CNTNAP5: variants seen among roughly 807,000 people sequenced by gnomAD.
CNTNAP5 encodes contactin associated protein family member 5.
A neutral mutation model predicts 150.2 loss-of-function variants in CNTNAP5; 72 were observed. That is an observed-to-expected ratio of 0.48 (90% CI 0.40 to 0.58). The LOEUF (loss-of-function observed/expected upper bound fraction) is 0.58. CNTNAP5 is among the 20% of genes least tolerant of loss of function. The pLI, the probability that CNTNAP5 is intolerant of heterozygous loss-of-function variation, is 0.00. For missense variants in CNTNAP5, 1,636 were observed against 1,626.2 expected (o/e 1.01, Z -0.10); for synonymous variants, 672 against 619.8 (o/e 1.08, Z -1.25).
chr2:124,341,340 C>T (rs1689610219), intron 3 of CNTNAP5, among the ~76,000 whole-genome samples: 1 of 152,040 alleles, frequency 6.6e-6, no homozygotes, highest in South Asian at 2.1e-4. Flanking sequence ...AAGTCTCTTT[C>T]ATTTTCTTTA....
intron 13 of CNTNAP5, among the ~76,000 whole-genome samples, chr2:124,650,002 A>G (rs559919301): frequency 4.4e-4 from 67 of 152,324 alleles, no homozygotes; most frequent in African/African-American, 1.5e-3. Flanking sequence ...AGAAAACTCA[A>G]CGTAGATAAT....
intron 14 of CNTNAP5, among the ~76,000 whole-genome samples, chr2:124,748,713 G>T (rs1041702868): frequency 6.6e-6 from 1 of 152,130 alleles, no homozygotes; most frequent in Admixed American, 6.5e-5. Context: ...AAAGGACCAG[G>T]CATCTGTCTT....
Position 124,798,194 on chromosome 2 carries a change from T to C in CNTNAP5, c.3091T>C (p.Tyr1031His). 2 of 1,613,866 alleles carry C rather than the reference T, an allele frequency of 1.2e-6. No individual in the cohort carries two copies. Among genetic ancestry groups the C allele is most frequent in the Non-Finnish European group, 1.7e-6 (2 of 1,179,796 alleles). Reference sequence around the variant, plus strand: ...TATAAGCCTCTCATCCTCAGCTATTTACACAGATTCAGCTCCATCCAAGGA... The same window carrying C: ...TATAAGCCTCTCATCCTCAGCTATTCACACAGATTCAGCTCCATCCAAGGA... ...KNISLSSSAI[Y>H]TDSAPSKENI... Residue 1031 changes from tyrosine (Y) to histidine (H), a missense_variant, in exon 19 of 24, where the codon TAC becomes CAC. Transcript: ENST00000682447.
intron 20 of CNTNAP5, among the ~76,000 whole-genome samples, chr2:124,866,518 T>C (rs990699300): frequency 1.9e-4 from 29 of 152,114 alleles, no homozygotes; most frequent in African/African-American, 7.0e-4. Flanking sequence ...AGTACTTACT[T>C]CCTGGAAGAA....
At position 124,824,795 on chromosome 2, in the gene CNTNAP5, C is replaced by T. The variant is rs529209770; in HGVS notation, c.3217+26475C>T. Among the ~76,000 whole-genome samples, 19 of 152,282 alleles carry T rather than the reference C, an allele frequency of 1.2e-4. No individual in the cohort carries two copies. In the East Asian group the frequency reaches 3.3e-3, roughly 26 times the overall value. On this transcript the variant is annotated intron_variant, in intron 19 of 23. Coordinates refer to ENST00000682447, the MANE Select transcript of CNTNAP5 (RefSeq NM_001367498.1). ...TGTCCTACCAGTCCTAATCTGTAAA[C>T]TAATTGCAGGACTAATTCCTACAGG...
chr2:124,911,418 C>T, intron 22 of CNTNAP5, 49 bp from the exon 23 acceptor site: 1 of 1,403,016 alleles, frequency 7.1e-7, no homozygotes, highest in African/African-American at 1.4e-5. Flanking sequence ...AGGCTTCTTG[C>T]CAGTGCTTTG....
intron 1 of CNTNAP5, among the ~76,000 whole-genome samples, chr2:124,158,475 A>G (rs1259469366): frequency 1.3e-5 from 2 of 152,156 alleles, no homozygotes; most frequent in African/African-American, 4.8e-5. Context: ...GCTTAAATTC[A>G]ACGTAATACT....
At chr2:124,245,448 T>C (rs943732437) in intron 3 of CNTNAP5, among the ~76,000 whole-genome samples, 6 of 152,088 alleles carry the variant, frequency 3.9e-5, no homozygotes, top group African/African-American at 1.4e-4. Flanking sequence ...ACAAGAACAA[T>C]AGTCAAACAA....
intron 1 of CNTNAP5, among the ~76,000 whole-genome samples, chr2:124,105,681 T>G (rs1228920682): frequency 1.3e-5 from 2 of 152,244 alleles, no homozygotes; most frequent in Non-Finnish European, 2.9e-5. Flanking sequence ...TTATTTATAC[T>G]TTAACCTGGT....
chr2:124,473,177 A>T (rs1040532667), intron 6 of CNTNAP5, among the ~76,000 whole-genome samples: 4 of 152,036 alleles, frequency 2.6e-5, no homozygotes, highest in African/African-American at 9.7e-5. Flanking sequence ...ATGGGTATGA[A>T]AACTAGAGAA....
chr2:124,049,026 A>G (rs1236818487), intron 1 of CNTNAP5, among the ~76,000 whole-genome samples: 1 of 152,214 alleles, frequency 6.6e-6, no homozygotes, highest in Non-Finnish European at 1.5e-5. Flanking sequence ...TAAAACTGGG[A>G]TAGTATAGTG....
intron 19 of CNTNAP5, among the ~76,000 whole-genome samples, chr2:124,860,456 C>T (rs1002760055): frequency 2.3e-3 from 48 of 20,538 alleles, no homozygotes; most frequent in East Asian, 0.012. Flanking sequence ...TCCTTCTTTC[C>T]TTCCTTCCTT....
At chr2:124,702,956 C>T (rs1217527804) in intron 13 of CNTNAP5, among the ~76,000 whole-genome samples, 1 of 152,180 alleles carries the variant, frequency 6.6e-6, no homozygotes, top group African/African-American at 2.4e-5. Flanking sequence ...TATTTCAACA[C>T]ATGAACATGA....
intron 14 of CNTNAP5, among the ~76,000 whole-genome samples, chr2:124,757,415 C>A (rs1483611072): frequency 6.6e-6 from 1 of 152,164 alleles, no homozygotes; most frequent in African/African-American, 2.4e-5. Context: ...GTGATTCCAG[C>A]ACAGTCCAGA....
chr2:124,672,583 C>G (rs1678847543), intron 13 of CNTNAP5, among the ~76,000 whole-genome samples: 1 of 152,122 alleles, frequency 6.6e-6, no homozygotes, highest in Non-Finnish European at 1.5e-5. Flanking sequence ...AAGAAGAGGA[C>G]ATTTCTTAGG....
intron 1 of CNTNAP5, among the ~76,000 whole-genome samples, chr2:124,120,507 C>T (rs907711264): frequency 6.6e-6 from 1 of 152,160 alleles, no homozygotes; most frequent in African/African-American, 2.4e-5. Flanking sequence ...GGAAGTTAAT[C>T]TTGGAGAAAA....
intron 1 of CNTNAP5, among the ~76,000 whole-genome samples, chr2:124,038,492 G>A (rs1681282029): frequency 6.6e-6 from 1 of 152,042 alleles, no homozygotes; most frequent in Non-Finnish European, 1.5e-5. Flanking sequence ...TATCAAAAAA[G>A]GACACAGAGT....
intron 13 of CNTNAP5, among the ~76,000 whole-genome samples, chr2:124,695,180 C>T (rs1284438009): frequency 2.0e-5 from 3 of 152,106 alleles, no homozygotes; most frequent in Non-Finnish European, 2.9e-5. Flanking sequence ...TGTGAATAAT[C>T]GCACCATGGC....
intron 12 of CNTNAP5, among the ~76,000 whole-genome samples, chr2:124,644,601 A>G (rs979305343): frequency 6.6e-6 from 1 of 152,230 alleles, no homozygotes; most frequent in Non-Finnish European, 1.5e-5. Flanking sequence ...ATATAAATCT[A>G]TATGAATTAG....
Sources: allele counts gnomAD v4.1 joint callset (sites outside exome capture counted in the v4.1 genomes callset), GRCh38; gene constraint gnomAD v4.1.1; transcripts MANE v1.5; gene names NCBI Gene and HGNC (gene_info 2026-07-23, HGNC 2026-07-21).